The following NAALADL2 variants were observed in gnomAD, a reference collection of about 807,000 sequenced individuals.
NAALADL2 encodes inactive N-acetylated-alpha-linked acidic dipeptidase-like protein 2.
A neutral mutation model predicts 87.2 loss-of-function variants in NAALADL2; 76 were observed. That is an observed-to-expected ratio of 0.87 (90% CI 0.72 to 1.05). The LOEUF is 1.05. NAALADL2 is among the 50% of genes least tolerant of loss of function. The pLI is 0.00. For synonymous variants in NAALADL2, 354 were observed against 331.0 expected (o/e 1.07, Z -0.75); for missense variants, 1,089 against 945.8 (o/e 1.15, Z -1.99).
At chr3:175,519,310 T>A (rs192330828) in intron 9 of NAALADL2, among the ~76,000 whole-genome samples, 2,306 of 152,320 alleles carry the variant, frequency 0.015, 60 homozygotes, top group African/African-American at 0.052. Context: ...AGATTCTAGT[T>A]GCTATGGCTA....
At chr3:175,197,148 G>A (rs1739138165) in intron 2 of NAALADL2, among the ~76,000 whole-genome samples, 1 of 151,970 alleles carries the variant, frequency 6.6e-6, no homozygotes, top group East Asian at 1.9e-4. Flanking sequence ...AACAGGAGGT[G>A]GCTACAAAAT....
chr3:174,447,292 A>G (rs1340479994), intron 1 of NAALADL2, among the ~76,000 whole-genome samples: 2 of 152,150 alleles, frequency 1.3e-5, no homozygotes, highest in East Asian at 1.9e-4. Context: ...GCCAGTCTGA[A>G]TGATTTGTAA....
intron 5 of NAALADL2, among the ~76,000 whole-genome samples, chr3:175,371,740 C>T (rs903763392): frequency 6.6e-6 from 1 of 151,672 alleles, no homozygotes; most frequent in African/African-American, 2.4e-5. Flanking sequence ...AGGAGAATCA[C>T]TTGAACCCAG....
intron 2 of NAALADL2, among the ~76,000 whole-genome samples, chr3:174,606,002 T>G (rs974341337): frequency 6.6e-6 from 1 of 152,128 alleles, no homozygotes. Flanking sequence ...CAGCAGCATT[T>G]GCGGTTCATG....
At chr3:175,641,693 T>C (rs1729307505) in intron 11 of NAALADL2, among the ~76,000 whole-genome samples, 1 of 152,222 alleles carries the variant, frequency 6.6e-6, no homozygotes, top group East Asian at 1.9e-4. Flanking sequence ...TCAGAGTATA[T>C]GCACGTACAT....
chr3:175,770,877 T>C lies in NAALADL2; in HGVS notation c.2189+15459T>C, dbSNP rs542812201. On this transcript the variant is annotated intron_variant, in intron 13 of 13. Coordinates refer to ENST00000454872, the MANE Select transcript of NAALADL2 (RefSeq NM_207015.3). Reference sequence around the variant, plus strand: ...ATCCTCTCTGCAGGTGGTTTGTACATTTCCTGTGTTTCCAATTTCTCTTTT... The same window carrying C: ...ATCCTCTCTGCAGGTGGTTTGTACACTTCCTGTGTTTCCAATTTCTCTTTT... 2.0e-5 allele frequency among the ~76,000 whole-genome samples: 3 copies of C among 152,200 alleles called. No homozygotes were observed. In the South Asian group the frequency reaches 6.2e-4, roughly 31 times the overall value.
At chr3:175,016,259 T>A (rs569155587) in intron 1 of NAALADL2, among the ~76,000 whole-genome samples, 3,698 of 118,988 alleles carry the variant, frequency 0.031, 59 homozygotes, top group Non-Finnish European at 0.041. Flanking sequence ...GATAAATTAT[T>A]TATATATATA....
chr3:174,788,248 C>A (rs1357156456), intron 3 of NAALADL2, among the ~76,000 whole-genome samples: 1 of 152,064 alleles, frequency 6.6e-6, no homozygotes, highest in Non-Finnish European at 1.5e-5. Context: ...TCACTTAGAT[C>A]CAGCAAAATA....
chr3:175,131,599 G>C (rs971248881), intron 2 of NAALADL2, among the ~76,000 whole-genome samples: 1 of 152,118 alleles, frequency 6.6e-6, no homozygotes, highest in African/African-American at 2.4e-5. Context: ...GCCTTTCCCC[G>C]CTTTCTATTC....
intron 2 of NAALADL2, among the ~76,000 whole-genome samples, chr3:175,178,752 G>A (rs1580808708): frequency 6.6e-6 from 1 of 151,954 alleles, no homozygotes; most frequent in African/African-American, 2.4e-5. Flanking sequence ...GCTGGTCCAG[G>A]GGTTATGCTT....
intron 2 of NAALADL2, among the ~76,000 whole-genome samples, chr3:175,156,280 T>C (rs190682892): frequency 2.9e-4 from 41 of 142,548 alleles, no homozygotes; most frequent in Non-Finnish European, 5.9e-4. Context: ...TTTTGATGCA[T>C]GTTAGATTTC....
intron 9 of NAALADL2, among the ~76,000 whole-genome samples, chr3:175,482,712 G>T (rs1404368917): frequency 6.6e-6 from 1 of 151,608 alleles, no homozygotes; most frequent in African/African-American, 2.4e-5. Context: ...CTCCCTTTCA[G>T]CTTACAAAAT....
chr3:175,336,030 T>A lies in NAALADL2; in HGVS notation c.1090+11705T>A, dbSNP rs569316193. On this transcript the variant is annotated intron_variant, in intron 5 of 13. Coordinates refer to ENST00000454872, the MANE Select transcript of NAALADL2 (RefSeq NM_207015.3). ...ACACCACCTATATATTTACAAAGAT[T>A]GTGACTTATATACGTGCATACCCCT... Among the ~76,000 whole-genome samples, 4 of 152,240 alleles carry A rather than the reference T, an allele frequency of 2.6e-5. No individual in the cohort carries two copies. The East Asian group carries it at 7.7e-4, about 29-fold the overall frequency.
At chr3:174,962,045 C>G (rs1324519463) in intron 1 of NAALADL2, among the ~76,000 whole-genome samples, 2 of 151,952 alleles carry the variant, frequency 1.3e-5, no homozygotes, top group Non-Finnish European at 2.9e-5. Flanking sequence ...TCTACTCTCA[C>G]TCTCTACCTC....
At chr3:174,952,867 T>A (rs1740588161) in intron 1 of NAALADL2, among the ~76,000 whole-genome samples, 1 of 152,100 alleles carries the variant, frequency 6.6e-6, no homozygotes, top group Non-Finnish European at 1.5e-5. Context: ...CACTTGTAGG[T>A]CAAATGAATA....
chr3:175,331,832 C>G (rs116648799), intron 5 of NAALADL2, among the ~76,000 whole-genome samples: 1,910 of 152,238 alleles, frequency 0.013, 44 homozygotes, highest in African/African-American at 0.044. Context: ...ATGCAGATGA[C>G]ATGGTCTCAT....
At chr3:174,708,357 C>T (rs1027141517) in intron 2 of NAALADL2, among the ~76,000 whole-genome samples, 1 of 152,122 alleles carries the variant, frequency 6.6e-6, no homozygotes. Flanking sequence ...TTACTGCTTG[C>T]CAATATGTTT....
At chr3:175,327,317 G>A (rs765903228) in intron 5 of NAALADL2, among the ~76,000 whole-genome samples, 2 of 151,676 alleles carry the variant, frequency 1.3e-5, no homozygotes, top group Non-Finnish European at 2.9e-5. Context: ...CACCATGCCC[G>A]GCTAATTTTT....
At chr3:175,697,813 G>GTATGTATACATATATGTGTATT (rs1738088941) in intron 11 of NAALADL2, among the ~76,000 whole-genome samples, 9 of 133,958 alleles carry the variant, frequency 6.7e-5, no homozygotes, top group African/African-American at 2.5e-4. Context: ...ATATATTTAT[G>GTATGTATACATATATGTGTATT]TATGTATACA....
Sources: allele counts gnomAD v4.1 joint callset (sites outside exome capture counted in the v4.1 genomes callset), GRCh38; gene constraint gnomAD v4.1.1; transcripts MANE v1.5; gene names NCBI Gene and HGNC (gene_info 2026-07-23, HGNC 2026-07-21).